The following NEURL1 variants were observed in gnomAD, a reference collection of about 807,000 sequenced individuals.
NEURL1 encodes neuralized E3 ubiquitin protein ligase 1.
Under a neutral mutation model 41.2 loss-of-function variants are expected in NEURL1, and 26 were observed. The observed-to-expected ratio is 0.63, with a 90% CI of 0.46 to 0.87. NEURL1 has a LOEUF of 0.87. Ranked by LOEUF, NEURL1 falls within the 40% of genes least tolerant of loss-of-function variation. NEURL1 has a pLI of 0.00. For missense variants in NEURL1, 761 were observed against 871.1 expected (o/e 0.87, Z 1.59); for synonymous variants, 400 against 402.3 (o/e 0.99, Z 0.07).
At chr10:103,507,065 T>C (rs1202914647) in intron 1 of NEURL1, among the ~76,000 whole-genome samples, 1 of 152,200 alleles carries the variant, frequency 6.6e-6, no homozygotes, top group Non-Finnish European at 1.5e-5. Flanking sequence ...TTGCCCTACC[T>C]GCTTTCTCAT....
At position 103,584,861 on chromosome 10, in the gene NEURL1, C is replaced by A; in HGVS notation, c.975C>A (p.Leu325=). The A allele has an allele frequency of 2.1e-6, 3 of 1,413,604 alleles. No homozygotes were observed. The highest frequency in any genetic ancestry group is 3.0e-5 in the South Asian group (2 of 67,190). 87.6% of individuals were successfully genotyped at this position (1,413,604 alleles called of 1,614,324 possible). A position where few individuals can be genotyped will look rare whatever the true frequency, so the allele number is the denominator to read the frequency against. Residue 325 remains leucine (L), a synonymous_variant, in exon 4 of 6, where the codon CTC becomes CTA. Coordinates refer to ENST00000369780, the MANE Select transcript of NEURL1 (RefSeq NM_004210.5). ...RVEHGRDERA[L]VFTSRPVRVA... ...AGCACGGGCGCGACGAGCGCGCGCT[C>A]GTCTTCACCAGCCGGCCCGTGCGCG...
At chr10:103,546,156 C>G (rs1044926215) in intron 1 of NEURL1, among the ~76,000 whole-genome samples, 2 of 152,214 alleles carry the variant, frequency 1.3e-5, no homozygotes, top group Non-Finnish European at 1.5e-5. Flanking sequence ...ACGTTTGCCA[C>G]TGTGCCCAGC....
chr10:103,554,275 C>T (rs2035095988), intron 1 of NEURL1, among the ~76,000 whole-genome samples: 1 of 152,168 alleles, frequency 6.6e-6, no homozygotes, highest in East Asian at 1.9e-4. Context: ...CTTTGCGAGT[C>T]TGTGGAAGCA....
intron 1 of NEURL1, among the ~76,000 whole-genome samples, chr10:103,504,450 C>A (rs536355753): frequency 3.3e-5 from 5 of 152,082 alleles, no homozygotes; most frequent in Admixed American, 2.0e-4. Flanking sequence ...GATTAGATTG[C>A]GGTTTTAGGT....
Position 103,590,132 on chromosome 10 carries a change from A to C in NEURL1, c.1487-2A>C, listed in dbSNP as rs1274774183. ...TCCTGACTGGTGCCCCCTTGTCCTC[A>C]GGGACAGCCCCCAATTCGCCAGTGA... On this transcript the variant is annotated splice_acceptor_variant, in intron 5 of 5. Transcript: ENST00000369780. LOFTEE classifies it high-confidence loss of function. 1 of 1,613,428 alleles carries C rather than the reference A, an allele frequency of 6.2e-7. No homozygotes were observed. Among genetic ancestry groups the C allele is most frequent in the South Asian group, 1.1e-5 (1 of 91,060 alleles).
rs2035205306 is a variant in NEURL1 at position 103,558,373 on chromosome 10, TCTGTGTTTTAGATCTCTGTGTAC to T, written c.86-12492_86-12470del. On this transcript the variant is annotated intron_variant, in intron 1 of 5. Transcript: ENST00000369780. The surrounding 1 kb of genome is among the most constrained non-coding windows in gnomAD (Gnocchi z 4.2). ...AGCTTCTGATGTCAACAGATGTGTA[TCTGTGTTTTAGATCTCTGTGTAC>T]CTGTGTGATGTGTCTCTAACTGTGG... 5.0e-6 allele frequency: 2 copies of T among 396,532 alleles called. No individual in the cohort carries two copies. The highest frequency in any genetic ancestry group is 6.9e-6 in the Non-Finnish European group (2 of 291,728). The allele number at this position is 396,532 out of a possible 1,614,324, so 24.6% of individuals were successfully genotyped here. A position where few individuals can be genotyped will look rare whatever the true frequency, so the allele number is the denominator to read the frequency against.
At chr10:103,575,726 G>GGTGCCCATGCCACAGCCCCAGCAGGCC (rs1564828707) in intron 3 of NEURL1, among the ~76,000 whole-genome samples, 2 of 152,228 alleles carry the variant, frequency 1.3e-5, no homozygotes, top group Non-Finnish European at 1.5e-5. Context: ...TCCCTGTTAT[G>GGTGCCCATGCCACAGCCCCAGCAGGCC]CTGGAGTTCT....
intron 1 of NEURL1, among the ~76,000 whole-genome samples, chr10:103,569,724 A>T (rs1288618184): frequency 6.6e-6 from 1 of 152,128 alleles, no homozygotes. Context: ...CTGCCCAGCC[A>T]TTCCCGTCTT....
chr10:103,523,771 G>A (rs2034405373), intron 1 of NEURL1, among the ~76,000 whole-genome samples: 1 of 152,138 alleles, frequency 6.6e-6, no homozygotes, highest in African/African-American at 2.4e-5. Flanking sequence ...ATGAATGACA[G>A]AATTTCATTT....
chr10:103,521,238 G>C (rs1425232415), intron 1 of NEURL1, among the ~76,000 whole-genome samples: 1 of 152,134 alleles, frequency 6.6e-6, no homozygotes, highest in East Asian at 1.9e-4. Context: ...ACTAATAAAG[G>C]GCCGGTCCGT....
At chr10:103,553,618 C>G (rs923376214) in intron 1 of NEURL1, among the ~76,000 whole-genome samples, 1 of 152,216 alleles carries the variant, frequency 6.6e-6, no homozygotes. Flanking sequence ...CCCTCCTAAC[C>G]GCTTCCCCAG....
chr10:103,579,784 A>T (rs1414400482), intron 3 of NEURL1, among the ~76,000 whole-genome samples: 7 of 152,030 alleles, frequency 4.6e-5, no homozygotes, highest in Non-Finnish European at 1.0e-4. Context: ...TCTACAAAAA[A>T]TACAAAAATT....
intron 1 of NEURL1, among the ~76,000 whole-genome samples, chr10:103,533,800 T>C (rs2034632311): frequency 6.6e-6 from 1 of 152,186 alleles, no homozygotes; most frequent in East Asian, 1.9e-4. Context: ...CCTCCCAAAG[T>C]GCTGGGATTA....
intron 1 of NEURL1, among the ~76,000 whole-genome samples, chr10:103,522,731 C>T (rs1413143520): frequency 6.6e-6 from 1 of 151,914 alleles, no homozygotes; most frequent in Non-Finnish European, 1.5e-5. Flanking sequence ...AATATTTTCA[C>T]CAAAACACAC....
chr10:103,533,118 G>T (rs1250875799), intron 1 of NEURL1, among the ~76,000 whole-genome samples: 2 of 151,196 alleles, frequency 1.3e-5, no homozygotes, highest in Non-Finnish European at 2.9e-5. Context: ...TAGTAGAGAC[G>T]GGGTTTCATC....
At chr10:103,585,375 T>G in intron 4 of NEURL1, 150 bp downstream of exon 4, 1 of 728,714 alleles carries the variant, frequency 1.4e-6, no homozygotes, top group Admixed American at 3.3e-5. Flanking sequence ...TGGGCGGGAC[T>G]TGGTCATCTT....
chr10:103,558,456 CCATGCGGGGGCAGCCACATCTG>C lies in NEURL1; in HGVS notation c.86-12415_86-12394del, dbSNP rs1020534470. 6.6e-5 allele frequency among the ~76,000 whole-genome samples: 10 copies of C among 151,218 alleles called. No individual in the cohort carries two copies. The highest frequency in any genetic ancestry group is 2.4e-4 in the African/African-American group (10 of 40,936). On this transcript the variant is annotated intron_variant, in intron 1 of 5. Coordinates refer to ENST00000369780, the MANE Select transcript of NEURL1 (RefSeq NM_004210.5). This position sits in a 1 kb window ranked among gnomAD's most constrained non-coding sequence, Gnocchi z 4.2. ...ACTGTGTGTTGCCGGGCCTGTGTTT[CCATGCGGGGGCAGCCACATCTG>C]TGGTACTCTGTGCCTGTGCCATGCC... is the stretch of plus-strand genomic sequence containing the variant.
At chr10:103,561,837 A>T (rs1436252098) in intron 1 of NEURL1, among the ~76,000 whole-genome samples, 10 of 152,150 alleles carry the variant, frequency 6.6e-5, no homozygotes, top group Middle Eastern at 3.2e-3. Flanking sequence ...GCAAGTGAGG[A>T]GCTATTGAAG....
chr10:103,554,403 CATG>C (rs2035100109), intron 1 of NEURL1, among the ~76,000 whole-genome samples: 1 of 152,054 alleles, frequency 6.6e-6, no homozygotes. Flanking sequence ...CTTATGAGCC[CATG>C]TATATGCACA....
Sources: allele counts gnomAD v4.1 joint callset (sites outside exome capture counted in the v4.1 genomes callset), GRCh38; gene constraint gnomAD v4.1.1; non-coding constraint Gnocchi (gnomAD v3.1); transcripts MANE v1.5; gene names NCBI Gene and HGNC (gene_info 2026-07-23, HGNC 2026-07-21).